The following VPS13C variants were observed in gnomAD, a reference collection of about 807,000 sequenced individuals.
VPS13C encodes vacuolar protein sorting 13 homolog C, also known as intermembrane lipid transfer protein VPS13C.
Under a neutral mutation model 456.8 loss-of-function variants are expected in VPS13C, and 358 were observed. The ratio of observed to expected loss-of-function variants is 0.78; its 90% CI spans 0.72 to 0.86. The LOEUF (loss-of-function observed/expected upper bound fraction) is 0.86. Among genes scored for constraint, VPS13C ranks in the 40% least tolerant of loss-of-function variants. The pLI, the probability that VPS13C is intolerant of heterozygous loss-of-function variation, is 0.00. For synonymous variants in VPS13C, 1,578 were observed against 1,486.7 expected, an observed-to-expected ratio of 1.06 and a Z score of -1.41; for missense variants, 4,818 against 4,385.4, an observed-to-expected ratio of 1.10 and a Z score of -2.79.
At chr15:62,014,279 C>T (rs150725700) in intron 9 of VPS13C, among the ~76,000 whole-genome samples, 1 of 151,944 alleles carries the variant, frequency 6.6e-6, no homozygotes, top group African/African-American at 2.4e-5. Flanking sequence ...AACAGAGAGC[C>T]AGCCTATACA....
At position 61,869,551 on chromosome 15, in the gene VPS13C, G is replaced by A. The variant is rs568368267; in HGVS notation, c.10697C>T (p.Pro3566Leu). The A allele has an allele frequency of 1.7e-5, 28 of 1,614,096 alleles. No homozygotes were observed. In the Admixed American group the frequency reaches 4.5e-4, roughly 26 times the overall value. ...GKGLVGAVARPTGGIVDMASS... is the reference protein window; with the variant it reads ...GKGLVGAVARLTGGIVDMASS... ...GGCCATATCTACGATTCCACCAGTT[G>A]GACGGGCCACAGCACCCACAAGCCC... Residue 3566 changes from proline to leucine, a missense_variant, in exon 80 of 85, where the codon CCA becomes CTA. Around this residue, in one of 3 missense-constraint regions of VPS13C, gnomAD observed 261 missense variants for 234.1 expected, o/e 1.11. Transcript: ENST00000644861.
chr15:62,004,899 T>C (rs1203061830), intron 15 of VPS13C, among the ~76,000 whole-genome samples: 2 of 152,232 alleles, frequency 1.3e-5, no homozygotes, highest in East Asian at 3.9e-4. Context: ...TTTGCTATAA[T>C]TTCTGTTCTT....
intron 13 of VPS13C, among the ~76,000 whole-genome samples, chr15:62,009,411 C>T (rs768626518): frequency 4.6e-5 from 7 of 150,878 alleles, no homozygotes; most frequent in Non-Finnish European, 7.4e-5. Flanking sequence ...TAATTTTTCA[C>T]GGAATGCAGT....
chr15:62,011,742 A>G lies in VPS13C; in HGVS notation c.883+365T>C, dbSNP rs1240829342. ...ATTATGTTAACACTGCAATAGTAAC[A>G]TAAGGGTGACCTGAATACCAGAATC... On this transcript the variant is annotated intron_variant, in intron 12 of 84. Transcript: ENST00000644861. Among the ~76,000 whole-genome samples the G allele has an allele frequency of 2.0e-5, 3 of 152,036 alleles. No individual in the cohort carries two copies. In the East Asian group the frequency reaches 5.8e-4, roughly 29 times the overall value.
Position 61,964,741 on chromosome 15 carries a change from T to C in VPS13C, c.3172A>G (p.Ile1058Val). The C allele has an allele frequency of 1.9e-6, 3 of 1,608,924 alleles. No individual in the cohort carries two copies. In the South Asian group the frequency reaches 3.3e-5, roughly 18 times the overall value. Residue 1058 changes from isoleucine to valine, a missense_variant, in exon 31 of 85, where the codon ATT (isoleucine) becomes GTT (valine). Coordinates refer to ENST00000644861, the MANE Select transcript of VPS13C (RefSeq NM_020821.3). ...TTTTTTTGTTGTTTTTCAGTTGAAA[T>C]TTGTACCTCCTTAGCAACACTTATG... ...QSISVAKEVQISTEKQQKNST... is the reference protein window; with the variant it reads ...QSISVAKEVQVSTEKQQKNST...
At chr15:61,941,639 G>T (rs1267838859) in intron 46 of VPS13C, 124 bp downstream of exon 46, 2 of 1,066,884 alleles carry the variant, frequency 1.9e-6, no homozygotes, top group Non-Finnish European at 2.6e-6. Context: ...AATGGTCAAG[G>T]TTTCATAATT....
intron 9 of VPS13C, among the ~76,000 whole-genome samples, chr15:62,014,693 A>C (rs2047167238): frequency 6.6e-6 from 1 of 152,176 alleles, no homozygotes; most frequent in Non-Finnish European, 1.5e-5. Context: ...CAAAAGCTTT[A>C]CATAAACTAT....
Position 61,869,091 on chromosome 15 carries a change from A to AT in VPS13C, c.10749-319dup, listed in dbSNP as rs376737341. The stretch of plus-strand genomic sequence containing the variant: ...AATAAAAGAGAAATTTAGCCATAAA[A>AT]TATGTCTCTTTTCTTTTCTTTTTTC... On this transcript the variant is annotated intron_variant, in intron 80 of 84. Transcript: ENST00000644861. Among the ~76,000 whole-genome samples the AT allele has an allele frequency of 2.6e-5, 4 of 151,242 alleles. No homozygotes were observed. The East Asian group carries it at 7.8e-4, about 29-fold the overall frequency.
intron 2 of VPS13C, among the ~76,000 whole-genome samples, chr15:62,042,159 A>G (rs1467812929): frequency 6.6e-6 from 1 of 152,212 alleles, no homozygotes; most frequent in Non-Finnish European, 1.5e-5. Context: ...TATTTACCAA[A>G]TTAGTATTTC....
Position 62,013,111 on chromosome 15 carries a change from T to C in VPS13C, c.753A>G (p.Arg251=), listed in dbSNP as rs2047106357. 1 of 1,605,812 alleles carries C rather than the reference T, an allele frequency of 6.2e-7. No homozygotes were observed. Among genetic ancestry groups the C allele is most frequent in the African/African-American group, 1.3e-5 (1 of 74,588 alleles). Reference sequence around the variant, plus strand: ...TCCAGTAGGCGCTAAGACTATCAAGTCGTATAAGCTATAAGAGAAAAATGA... The same window carrying C: ...TCCAGTAGGCGCTAAGACTATCAAGCCGTATAAGCTATAAGAGAAAAATGA... ...EADKIIYKLI[R]LDSLSAYWNV... The change falls in exon 11 of 85, where the codon CGA becomes CGG. Residue 251 remains arginine, a synonymous_variant. Coordinates refer to ENST00000644861, the MANE Select transcript of VPS13C (RefSeq NM_020821.3).
At chr15:62,031,191 A>T (rs1487321469) in intron 5 of VPS13C, among the ~76,000 whole-genome samples, 1 of 152,116 alleles carries the variant, frequency 6.6e-6, no homozygotes, top group South Asian at 2.1e-4. Flanking sequence ...ATTTTACCAC[A>T]TAAAACAAGC....
At chr15:61,904,027 C>T (rs1322490248) in intron 66 of VPS13C, among the ~76,000 whole-genome samples, 2 of 152,032 alleles carry the variant, frequency 1.3e-5, no homozygotes, top group African/African-American at 4.8e-5. Flanking sequence ...TACCTTAGAA[C>T]TATTTAAAGA....
chr15:61,968,021 C>T (rs1292229494), intron 28 of VPS13C, among the ~76,000 whole-genome samples: 3 of 151,978 alleles, frequency 2.0e-5, no homozygotes, highest in East Asian at 3.9e-4. Flanking sequence ...CTTCCAAGGG[C>T]ATAACCTTCA....
Position 61,973,524 on chromosome 15 carries a change from T to C in VPS13C, c.2547A>G (p.Ser849=). The C allele has an allele frequency of 6.2e-7, 1 of 1,611,950 alleles. No individual in the cohort carries two copies. Among genetic ancestry groups the C allele is most frequent in the Non-Finnish European group, 8.5e-7 (1 of 1,178,402 alleles). Residue 849 remains serine (S), a synonymous_variant, in exon 26 of 85, where the codon TCA becomes TCG. Transcript: ENST00000644861. ...SAQSPERQVS[S]IPIISGGTKG... ...TTGTACCACCTGAAATAATAGGAATTGAGGATACCTAGCAAAGAATACAAA... is the reference window on the plus strand; with the variant it reads ...TTGTACCACCTGAAATAATAGGAATCGAGGATACCTAGCAAAGAATACAAA...
chr15:61,947,620 A>G (rs2044651109), intron 42 of VPS13C, among the ~76,000 whole-genome samples: 1 of 152,162 alleles, frequency 6.6e-6, no homozygotes, highest in Non-Finnish European at 1.5e-5. Context: ...ATTCTATATT[A>G]GAACTCTAGA....
intron 74 of VPS13C, 36 bp downstream of exon 74, chr15:61,878,561 GACCTTGGTAC>G: frequency 1.9e-6 from 3 of 1,586,970 alleles, no homozygotes; most frequent in Non-Finnish European, 2.6e-6. Context: ...CTAGAAACAT[GACCTTGGTAC>G]ACCTGCTTCT....
intron 18 of VPS13C, among the ~76,000 whole-genome samples, chr15:61,989,130 C>T (rs929617016): frequency 1.3e-5 from 2 of 151,766 alleles, no homozygotes; most frequent in African/African-American, 4.8e-5. Flanking sequence ...GTGGCTCACA[C>T]CTGTAATCCC....
At chr15:61,953,894 A>G (rs968495043) in intron 38 of VPS13C, among the ~76,000 whole-genome samples, 9 of 152,190 alleles carry the variant, frequency 5.9e-5, no homozygotes, top group African/African-American at 2.2e-4. Context: ...AATTACAAAA[A>G]TGTTAACAGT....
At chr15:61,966,412 G>T (rs949639516) in intron 29 of VPS13C, among the ~76,000 whole-genome samples, 5 of 151,804 alleles carry the variant, frequency 3.3e-5, no homozygotes, top group Non-Finnish European at 5.9e-5. Context: ...AGGTTGTAAG[G>T]TGTCACAGTC....
Sources: gnomAD v4.1 joint callset for allele counts (sites outside exome capture counted in the v4.1 genomes callset) on GRCh38, gnomAD v4.1.1 for gene constraint, gnomAD v4.1.1 regional missense constraint, MANE v1.5 for transcripts, NCBI Gene and HGNC (gene_info 2026-07-23, HGNC 2026-07-21) for gene names.